SNTA1: variants seen among roughly 807,000 people sequenced by gnomAD.
SNTA1 encodes the protein alpha-1-syntrophin.
A neutral mutation model predicts 47.1 loss-of-function variants in SNTA1; 31 were observed. That is an observed-to-expected ratio of 0.66 (90% confidence interval 0.49 to 0.89). SNTA1 has a LOEUF of 0.89. Among genes scored for constraint, SNTA1 ranks in the 40% least tolerant of loss-of-function variants. SNTA1 has a pLI of 0.00. For missense variants in SNTA1, 575 were observed against 693.0 expected, an observed-to-expected ratio of 0.83 and a Z score of 1.91; for synonymous variants, 300 against 313.6, an observed-to-expected ratio of 0.96 and a Z score of 0.46.
At chr20:33,432,472 CCAAA>C (rs1990334340) in intron 2 of SNTA1, among the ~76,000 whole-genome samples, 1 of 152,302 alleles carries the variant, frequency 6.6e-6, no homozygotes, top group East Asian at 1.9e-4. Context: ...TGATCAGTCT[CCAAA>C]CACTCACCAA....
rs56186098 is a variant in SNTA1, at chr20:33,414,245, C to CAA, written c.702-1465_702-1464dup. ...AAAAGCGAAACTCCGTCTCAAAAAC[C>CAA]AAAAAAAAAAAAAAAAAAAAAAAAA... On this transcript the variant is annotated intron_variant, in intron 3 of 7. Coordinates refer to ENST00000217381, the MANE Select transcript of SNTA1 (RefSeq NM_003098.3). Among the ~76,000 whole-genome samples the CAA allele has an allele frequency of 1.5e-3, 45 of 29,262 alleles. 2 individuals carry two copies. The highest frequency in any genetic ancestry group is 2.1e-3 in the Non-Finnish European group (27 of 12,992). The allele number at this position is 29,262 out of a possible 152,430, so 19.2% of individuals were successfully genotyped here. A position where few individuals can be genotyped will look rare whatever the true frequency, so the allele number is the denominator to read the frequency against.
chr20:33,423,711 C>T (rs1406941863), intron 2 of SNTA1, among the ~76,000 whole-genome samples: 1 of 152,200 alleles, frequency 6.6e-6, no homozygotes, highest in Non-Finnish European at 1.5e-5. Context: ...TATAAGTGGA[C>T]TGGGGGTCAC....
At chr20:33,437,507 C>T (rs1990472032) in intron 2 of SNTA1, among the ~76,000 whole-genome samples, 1 of 151,120 alleles carries the variant, frequency 6.6e-6, no homozygotes, top group African/African-American at 2.4e-5. Flanking sequence ...TAAAACTTTA[C>T]ATTTTATTTT....
intron 3 of SNTA1, among the ~76,000 whole-genome samples, 193 bp from the exon 4 acceptor site, chr20:33,412,975 T>C (rs1355180130): frequency 1.3e-5 from 2 of 151,980 alleles, no homozygotes; most frequent in Non-Finnish European, 2.9e-5. Flanking sequence ...AACAAGCGAG[T>C]GTGACATATA....
intron 2 of SNTA1, among the ~76,000 whole-genome samples, chr20:33,426,626 G>A (rs1990177543): frequency 1.3e-5 from 2 of 151,220 alleles, no homozygotes; most frequent in African/African-American, 4.9e-5. Context: ...GTCAGGCATG[G>A]TGGCAGACAC....
rs1989659010 is a variant in SNTA1, at chr20:33,408,696, C to A, written c.1425+5G>T. 6.2e-7 allele frequency: 1 copy of A among 1,614,050 alleles called. No homozygotes were observed. The highest frequency in any genetic ancestry group is 2.2e-5 in the East Asian group (1 of 44,878). On this transcript the variant is annotated splice_donor_5th_base_variant and intron_variant, in intron 7 of 7. Coordinates refer to ENST00000217381, the MANE Select transcript of SNTA1 (RefSeq NM_003098.3). The stretch of plus-strand genomic sequence containing the variant: ...CCCAGGGTGCAGAGGCAGCCCCTCA[C>A]TCACGATCTCGCCTTCAGCACCTCC...
chr20:33,431,544 T>TC (rs1425562817), intron 2 of SNTA1, among the ~76,000 whole-genome samples: 1 of 151,800 alleles, frequency 6.6e-6, no homozygotes, highest in Non-Finnish European at 1.5e-5. Flanking sequence ...GGTCAGGAGT[T>TC]CGAGACCAGC....
intron 1 of SNTA1, 46 bp from the exon 2 acceptor site, chr20:33,439,072 C>T: frequency 2.6e-6 from 4 of 1,510,444 alleles, no homozygotes; most frequent in Non-Finnish European, 3.7e-6. Context: ...GATACTCCAA[C>T]ACTTGGGAGT....
intron 2 of SNTA1, among the ~76,000 whole-genome samples, chr20:33,432,793 G>A (rs1291440349): frequency 1.3e-5 from 2 of 152,202 alleles, no homozygotes; most frequent in Non-Finnish European, 1.5e-5. Flanking sequence ...CCCAGGAGTT[G>A]AGGCTGCAGT....
At chr20:33,414,092 G>C (rs1182359656) in intron 3 of SNTA1, among the ~76,000 whole-genome samples, 1 of 151,124 alleles carries the variant, frequency 6.6e-6, no homozygotes, top group African/African-American at 2.4e-5. Context: ...TACAAAATTA[G>C]CTGGGTGTGG....
Position 33,443,321 on chromosome 20 carries a change from G to A in SNTA1, c.300C>T (p.Ile100=). 2.0e-6 allele frequency: 3 copies of A among 1,509,892 alleles called. No homozygotes were observed. Among genetic ancestry groups the A allele is most frequent in the Non-Finnish European group, 2.6e-6 (3 of 1,136,940 alleles). 93.5% of individuals were successfully genotyped at this position (1,509,892 alleles called of 1,614,324 possible). A position where few individuals can be genotyped will look rare whatever the true frequency, so the allele number is the denominator to read the frequency against. The change falls in exon 1 of 8, where the codon ATC becomes ATT. Residue 100 remains isoleucine, a synonymous_variant. Transcript: ENST00000217381. ...VRKADAGGLG[I]SIKGGRENKM... is the part of the protein sequence containing the mutation. ...GTGTCCCGCGCCCACCTTTGATGCT[G>A]ATGCCCAGCCCACCGGCGTCGGCCT...
chr20:33,421,219 C>T (rs1368875822), intron 2 of SNTA1, among the ~76,000 whole-genome samples: 1 of 151,732 alleles, frequency 6.6e-6, no homozygotes, highest in Non-Finnish European at 1.5e-5. Context: ...CCTCTGGAGT[C>T]AGATGCTCTT....
chr20:33,427,005 G>A (rs1196060871), intron 2 of SNTA1, among the ~76,000 whole-genome samples: 2 of 149,648 alleles, frequency 1.3e-5, no homozygotes, highest in Admixed American at 6.7e-5. Flanking sequence ...TGAGGCTAAA[G>A]TGAGCTGTGA....
At chr20:33,427,449 C>T (rs748331219) in intron 2 of SNTA1, among the ~76,000 whole-genome samples, 4 of 152,118 alleles carry the variant, frequency 2.6e-5, no homozygotes, top group Admixed American at 2.6e-4. Context: ...GAAGGGATGA[C>T]CTTTAAGGTC....
At chr20:33,438,772 TG>T in intron 2 of SNTA1, 68 bp downstream of exon 2, 3 of 1,337,556 alleles carry the variant, frequency 2.2e-6, no homozygotes, top group Non-Finnish European at 1.1e-6. Flanking sequence ...TTCTGAGGCC[TG>T]GGGGAGGTAG....
intron 6 of SNTA1, 97 bp from the exon 7 acceptor site, chr20:33,408,985 T>C: frequency 9.2e-7 from 1 of 1,083,636 alleles, no homozygotes; most frequent in Non-Finnish European, 1.4e-6. Flanking sequence ...GGGGCCTGAA[T>C]GCCTCCAGGG....
In SNTA1 at chr20:33,408,526, CGG is replaced by C; in HGVS notation, c.1497_1498del (p.Arg500ProfsTer20). 1 of 1,613,874 alleles carries C rather than the reference CGG, an allele frequency of 6.2e-7. No homozygotes were observed. Among genetic ancestry groups the C allele is most frequent in the Non-Finnish European group, 8.5e-7 (1 of 1,179,756 alleles). ...CGACTTCTAGGCCAACAGCCCGAGGCGGGTGACTTTGGCCGACAGGAAGGAGT... is the reference window on the plus strand; with the variant it reads ...CGACTTCTAGGCCAACAGCCCGAGGCGTGACTTTGGCCGACAGGAAGGAGT... On this transcript the variant is annotated frameshift_variant, in exon 8 of 8. Coordinates refer to ENST00000217381, the MANE Select transcript of SNTA1 (RefSeq NM_003098.3). LOFTEE classifies it high-confidence loss of function.
At chr20:33,431,554 C>G (rs1363215007) in intron 2 of SNTA1, among the ~76,000 whole-genome samples, 1 of 151,862 alleles carries the variant, frequency 6.6e-6, no homozygotes, top group African/African-American at 2.4e-5. Context: ...TCGAGACCAG[C>G]CTGGCCAACA....
In SNTA1 at chr20:33,433,277, T is replaced by C. The variant is rs1990357012; in HGVS notation, c.496+5564A>G. ...GTCGGGTTTTTCTTTTTTCTTTTTTTTTTGAGATGGAGTTTTGCTCTTGTT... is the reference window on the plus strand; with the variant it reads ...GTCGGGTTTTTCTTTTTTCTTTTTTCTTTGAGATGGAGTTTTGCTCTTGTT... On this transcript the variant is annotated intron_variant, in intron 2 of 7. Transcript: ENST00000217381. Among the ~76,000 whole-genome samples the C allele has an allele frequency of 1.3e-5, 2 of 151,038 alleles. 1 individual carries two copies. The highest frequency in any genetic ancestry group is 4.2e-4 in the South Asian group (2 of 4,766).
Sources: gnomAD v4.1 joint callset for allele counts (sites outside exome capture counted in the v4.1 genomes callset) on GRCh38, gnomAD v4.1.1 for gene constraint, MANE v1.5 for transcripts, NCBI Gene and HGNC (gene_info 2026-07-23, HGNC 2026-07-21) for gene names.